Variants in LPP observed in about 807,000 individuals in gnomAD.
The protein encoded by LPP is lipoma-preferred partner.
LPP carries 38 observed loss-of-function variants against 60.4 expected under a neutral mutation model. The observed-to-expected ratio is 0.63, with a 90% CI of 0.49 to 0.83. LPP has a LOEUF of 0.83. LPP is among the 40% of genes least tolerant of loss of function. The pLI, the probability that LPP is intolerant of heterozygous loss-of-function variation, is 0.00. For synonymous variants in LPP, 328 were observed against 290.8 expected, an observed-to-expected ratio of 1.13 and a Z score of -1.30; for missense variants, 902 against 783.6, an observed-to-expected ratio of 1.15 and a Z score of -1.80.
intron 5 of LPP, among the ~76,000 whole-genome samples, chr3:188,520,741 G>A (rs1187291736): frequency 2.0e-5 from 3 of 152,206 alleles, no homozygotes; most frequent in Non-Finnish European, 4.4e-5. Flanking sequence ...TCTCTCTAGT[G>A]ATGGTTAAAG....
intron 6 of LPP, among the ~76,000 whole-genome samples, chr3:188,530,810 T>A (rs994915829): frequency 1.3e-5 from 2 of 152,214 alleles, no homozygotes; most frequent in Admixed American, 1.3e-4. Context: ...CTTATGACGT[T>A]GTAACATCTT....
At chr3:188,241,448 CT>C (rs1724793254) in intron 2 of LPP, among the ~76,000 whole-genome samples, 1 of 152,178 alleles carries the variant, frequency 6.6e-6, no homozygotes, top group African/African-American at 2.4e-5. Flanking sequence ...TTCTAATCTC[CT>C]TTCATCTTTC....
chr3:188,614,830 C>T (rs9873800), intron 7 of LPP, among the ~76,000 whole-genome samples: 62,105 of 151,954 alleles, frequency 0.41, 12,852 homozygotes, highest in South Asian at 0.57. Flanking sequence ...TAGGCAGTCA[C>T]CATGGCCTTT....
intron 4 of LPP, among the ~76,000 whole-genome samples, chr3:188,422,722 G>A (rs912367197): frequency 7.2e-5 from 11 of 152,266 alleles, no homozygotes; most frequent in Middle Eastern, 3.4e-3. Flanking sequence ...TCAAATGAAT[G>A]TGCTCCCTTT....
intron 5 of LPP, among the ~76,000 whole-genome samples, chr3:188,511,254 TC>T (rs1170976634): frequency 2.0e-5 from 1 of 51,190 alleles, no homozygotes; most frequent in Non-Finnish European, 3.6e-5. Context: ...CTCCCTTCCC[TC>T]CCTTCCCTCC....
chr3:188,240,299 A>T, intron 2 of LPP: 1 of 168,046 alleles, frequency 6.0e-6, no homozygotes, highest in Non-Finnish European at 1.3e-5. Context: ...CAGCTTGCCT[A>T]ACAAGGTTGT....
intron 6 of LPP, among the ~76,000 whole-genome samples, chr3:188,597,110 G>C (rs1184293570): frequency 6.6e-6 from 1 of 152,168 alleles, no homozygotes; most frequent in East Asian, 1.9e-4. Flanking sequence ...CTGGAAAACA[G>C]AGTTCTAATC....
chr3:188,856,702 A>C (rs764510868), intron 9 of LPP, among the ~76,000 whole-genome samples: 1 of 152,072 alleles, frequency 6.6e-6, no homozygotes, highest in Non-Finnish European at 1.5e-5. Flanking sequence ...AATTCCAGCT[A>C]CTCTGGAAAT....
chr3:188,159,521 A>G (rs1473157896), intron 1 of LPP, among the ~76,000 whole-genome samples: 1 of 152,186 alleles, frequency 6.6e-6, no homozygotes, highest in African/African-American at 2.4e-5. Context: ...CTGCTTGAGG[A>G]TTGCAGTGAT....
chr3:188,618,064 G>C (rs1337803567), intron 7 of LPP, among the ~76,000 whole-genome samples: 1 of 152,136 alleles, frequency 6.6e-6, no homozygotes, highest in Non-Finnish European at 1.5e-5. Flanking sequence ...GAAATGTTTT[G>C]CACACACAGT....
intron 10 of LPP, among the ~76,000 whole-genome samples, chr3:188,870,629 A>G (rs1450250004): frequency 6.6e-6 from 1 of 152,246 alleles, no homozygotes; most frequent in Non-Finnish European, 1.5e-5. Context: ...TAAGCACTCA[A>G]TAAATGGTAG....
In LPP at chr3:188,880,380, A is replaced by G. The variant is rs1046321287; in HGVS notation, c.*5901A>G. 1 of 185,006 alleles carries G rather than the reference A, an allele frequency of 5.4e-6. No individual in the cohort carries two copies. Among genetic ancestry groups the G allele is most frequent in the African/African-American group, 2.3e-5 (1 of 42,612 alleles). 11.5% of individuals were successfully genotyped at this position (185,006 alleles called of 1,614,324 possible). A position where few individuals can be genotyped will look rare whatever the true frequency, so the allele number is the denominator to read the frequency against. On this transcript the variant is annotated 3_prime_UTR_variant, in exon 12 of 12. Coordinates refer to ENST00000617246, the MANE Select transcript of LPP (RefSeq NM_001375462.1). Reference sequence around the variant, plus strand: ...AGGTCCCCTTCAAAGTTACAAAAAAAAGTGCTAATTTTTGCTGTTAAATTC... The same window carrying G: ...AGGTCCCCTTCAAAGTTACAAAAAAGAGTGCTAATTTTTGCTGTTAAATTC...
At chr3:188,199,098 G>C (rs1730322192) in intron 1 of LPP, among the ~76,000 whole-genome samples, 1 of 152,182 alleles carries the variant, frequency 6.6e-6, no homozygotes, top group Non-Finnish European at 1.5e-5. Context: ...CATGACATCT[G>C]AGACGTTAAC....
rs145764196 is a variant in LPP, at chr3:188,394,981, A to G, written c.-9-11131A>G. Among the ~76,000 whole-genome samples, 21 of 152,316 alleles carry G rather than the reference A, an allele frequency of 1.4e-4. No individual in the cohort carries two copies. In the East Asian group the frequency reaches 4.1e-3, roughly 29 times the overall value. ...AGTGAGAAGCTTGCCTGTTTTTCAT[A>G]CCATTTCAAATACTGAGAAATAATT... On this transcript the variant is annotated intron_variant, in intron 3 of 11. Transcript: ENST00000617246.
At chr3:188,166,746 T>G (rs1450925457) in intron 1 of LPP, among the ~76,000 whole-genome samples, 1 of 152,222 alleles carries the variant, frequency 6.6e-6, no homozygotes, top group African/African-American at 2.4e-5. Context: ...TTGTTCATAT[T>G]CATATCCACA....
intron 1 of LPP, among the ~76,000 whole-genome samples, chr3:188,181,318 A>T (rs1200425825): frequency 6.8e-6 from 1 of 147,990 alleles, no homozygotes; most frequent in East Asian, 2.0e-4. Context: ...GTATCACTGC[A>T]CTCCAGCCTG....
At chr3:188,869,855 A>G (rs1049517712) in intron 10 of LPP, among the ~76,000 whole-genome samples, 11 of 152,166 alleles carry the variant, frequency 7.2e-5, no homozygotes, top group African/African-American at 1.7e-4. Context: ...TGGACATGCA[A>G]TCTTTCACAT....
At chr3:188,652,916 A>G (rs932225491) in intron 7 of LPP, among the ~76,000 whole-genome samples, 1 of 152,150 alleles carries the variant, frequency 6.6e-6, no homozygotes, top group African/African-American at 2.4e-5. Context: ...TCTTCTATCC[A>G]GAACCCTACC....
At chr3:188,457,756 A>AT (rs1181909023) in intron 4 of LPP, among the ~76,000 whole-genome samples, 14 of 146,782 alleles carry the variant, frequency 9.5e-5, no homozygotes, top group African/African-American at 2.3e-4. Flanking sequence ...ATATATATAT[A>AT]AAATTAGCCA....
Sources: gnomAD v4.1 joint callset for allele counts (sites outside exome capture counted in the v4.1 genomes callset) on GRCh38, gnomAD v4.1.1 for gene constraint, MANE v1.5 for transcripts, NCBI Gene and HGNC (gene_info 2026-07-23, HGNC 2026-07-21) for gene names.